PPM1E: variants seen among roughly 807,000 people sequenced by gnomAD.
PPM1E encodes protein phosphatase 1E.
PPM1E carries 20 observed loss-of-function variants against 65.9 expected under a neutral mutation model. That is an observed-to-expected ratio of 0.30 (90% CI 0.21 to 0.44). The LOEUF is 0.44. Among genes scored for constraint, PPM1E ranks in the 20% least tolerant of loss-of-function variants. The pLI is 1.00. For synonymous variants in PPM1E, 352 were observed against 374.9 expected, an observed-to-expected ratio of 0.94 and a Z score of 0.70; for missense variants, 713 against 953.1, an observed-to-expected ratio of 0.75 and a Z score of 3.32.
chr17:58,861,286 A>C (rs1224872034), intron 1 of PPM1E, among the ~76,000 whole-genome samples: 1 of 152,232 alleles, frequency 6.6e-6, no homozygotes, highest in East Asian at 1.9e-4. Context: ...AGCAACAACA[A>C]AACATAAGAA....
Position 58,755,879 on chromosome 17 carries a change from G to A in PPM1E, c.-119G>A. 1 of 1,506,724 alleles carries A rather than the reference G, an allele frequency of 6.6e-7. No homozygotes were observed. Among genetic ancestry groups the A allele is most frequent in the Non-Finnish European group, 8.9e-7 (1 of 1,128,822 alleles). The allele number at this position is 1,506,724 out of a possible 1,614,324, so 93.3% of individuals were successfully genotyped here. ...CTCTCCAGGCAACCTAGTGCTGATCGCTCGTGCCGGTGCGGCCGTTAACCG... is the reference window on the plus strand; with the variant it reads ...CTCTCCAGGCAACCTAGTGCTGATCACTCGTGCCGGTGCGGCCGTTAACCG... On this transcript the variant is annotated 5_prime_UTR_variant, in exon 1 of 7. Coordinates refer to ENST00000308249, the MANE Select transcript of PPM1E (RefSeq NM_014906.5).
intron 1 of PPM1E, among the ~76,000 whole-genome samples, chr17:58,843,229 G>A (rs1048396189): frequency 6.6e-6 from 1 of 151,580 alleles, no homozygotes; most frequent in Non-Finnish European, 1.5e-5. Context: ...GAACCTGGGA[G>A]GCAGGAGAAT....
intron 1 of PPM1E, among the ~76,000 whole-genome samples, chr17:58,875,934 A>G (rs905560252): frequency 4.6e-5 from 7 of 152,178 alleles, no homozygotes. Flanking sequence ...CAAAGACTTC[A>G]TCTGAAAAGG....
In PPM1E at chr17:58,926,056, A is replaced by G. The variant is rs1456766921; in HGVS notation, c.465-29593A>G. Among the ~76,000 whole-genome samples, 3 of 152,046 alleles carry G rather than the reference A, an allele frequency of 2.0e-5. No homozygotes were observed. In the East Asian group the frequency reaches 5.8e-4, roughly 29 times the overall value. ...TTTGTGTTAAGCTAAATTGCAAAGT[A>G]TTGGCTGGGTGCGATGGCTCATGCC... is the stretch of plus-strand genomic sequence containing the variant. On this transcript the variant is annotated intron_variant, in intron 1 of 6. Transcript: ENST00000308249.
At chr17:58,890,572 A>C (rs572712791) in intron 1 of PPM1E, among the ~76,000 whole-genome samples, 1 of 152,176 alleles carries the variant, frequency 6.6e-6, no homozygotes, top group South Asian at 2.1e-4. Flanking sequence ...TTTAGTGACT[A>C]TGTGGATTTG....
At chr17:58,762,148 T>C (rs890629377) in intron 1 of PPM1E, among the ~76,000 whole-genome samples, 1 of 152,228 alleles carries the variant, frequency 6.6e-6, no homozygotes, top group African/African-American at 2.4e-5. Flanking sequence ...TTATGGATTA[T>C]ATTTCCTGGT....
rs557579477 is a variant in PPM1E, at chr17:58,799,582, A to G, written c.464+43121A>G. On this transcript the variant is annotated intron_variant, in intron 1 of 6. Transcript: ENST00000308249. Reference sequence around the variant, plus strand: ...CTCAGCCTCCCAAGTAGCTGGGACTACAGGTGTGCACCGCCACGCCTGGCT... The same window carrying G: ...CTCAGCCTCCCAAGTAGCTGGGACTGCAGGTGTGCACCGCCACGCCTGGCT... Among the ~76,000 whole-genome samples, 4 of 152,282 alleles carry G rather than the reference A, an allele frequency of 2.6e-5. No individual in the cohort carries two copies. In the South Asian group the frequency reaches 8.3e-4, roughly 32 times the overall value.
chr17:58,870,211 T>C (rs934174332), intron 1 of PPM1E, among the ~76,000 whole-genome samples: 7 of 152,164 alleles, frequency 4.6e-5, no homozygotes, highest in African/African-American at 1.7e-4. Context: ...GAAGAAGAAA[T>C]GTCAGGGTTT....
intron 1 of PPM1E, among the ~76,000 whole-genome samples, chr17:58,788,355 C>T (rs2050123551): frequency 6.6e-6 from 1 of 152,094 alleles, no homozygotes; most frequent in South Asian, 2.1e-4. Flanking sequence ...TGATTTTCAT[C>T]CAAAGAGTTA....
intron 1 of PPM1E, among the ~76,000 whole-genome samples, chr17:58,858,076 G>T (rs754953863): frequency 2.0e-5 from 3 of 152,096 alleles, no homozygotes; most frequent in Admixed American, 6.6e-5. Flanking sequence ...CAACAGATGT[G>T]ATTGAGAATA....
At chr17:58,775,986 A>G (rs1234922140) in intron 1 of PPM1E, among the ~76,000 whole-genome samples, 2 of 148,244 alleles carry the variant, frequency 1.3e-5, no homozygotes, top group Non-Finnish European at 3.0e-5. Flanking sequence ...TTAACCTCCC[A>G]TTTTTGGTGT....
chr17:58,802,225 G>A (rs892431154), intron 1 of PPM1E, among the ~76,000 whole-genome samples: 1 of 152,094 alleles, frequency 6.6e-6, no homozygotes, highest in Non-Finnish European at 1.5e-5. Flanking sequence ...TTTAATAAGG[G>A]TCCAACTTCA....
intron 1 of PPM1E, among the ~76,000 whole-genome samples, chr17:58,813,335 A>G (rs1280576830): frequency 6.6e-6 from 1 of 152,166 alleles, no homozygotes; most frequent in Non-Finnish European, 1.5e-5. Context: ...TTCTCTTACT[A>G]TTGATAGAAA....
At position 58,755,918 on chromosome 17, in the gene PPM1E, C is replaced by T. The variant is rs1016942073; in HGVS notation, c.-80C>T. ...GGCCGTTAACCGCCCTTGCCGGAGC[C>T]CTAGGCTCAAAAGCAGCCCCTTACC... On this transcript the variant is annotated 5_prime_UTR_variant, in exon 1 of 7. Transcript: ENST00000308249. The T allele has an allele frequency of 6.3e-7, 1 of 1,583,790 alleles. No individual in the cohort carries two copies. The highest frequency in any genetic ancestry group is 8.6e-7 in the Non-Finnish European group (1 of 1,165,136).
chr17:58,909,924 C>CTTTTT (rs35833275), intron 1 of PPM1E, among the ~76,000 whole-genome samples: 137 of 90,032 alleles, frequency 1.5e-3, no homozygotes, highest in African/African-American at 2.5e-3. Context: ...TTTTCTTTTT[C>CTTTTT]TTTTTTTTTT....
intron 1 of PPM1E, among the ~76,000 whole-genome samples, chr17:58,849,226 T>G (rs2050801271): frequency 6.6e-6 from 1 of 152,234 alleles, no homozygotes; most frequent in African/African-American, 2.4e-5. Flanking sequence ...AACCAGCTCC[T>G]GGATTCATCG....
At chr17:58,766,607 AC>A (rs1331846517) in intron 1 of PPM1E, among the ~76,000 whole-genome samples, 1 of 78,142 alleles carries the variant, frequency 1.3e-5, no homozygotes, top group East Asian at 3.5e-4. Context: ...GTGTGTGTAT[AC>A]ACACACACAC....
intron 1 of PPM1E, among the ~76,000 whole-genome samples, chr17:58,857,750 A>T (rs2143289468): frequency 6.6e-6 from 1 of 152,260 alleles, no homozygotes; most frequent in Non-Finnish European, 1.5e-5. Flanking sequence ...TTTTAAAAAG[A>T]TAAATAAATT....
chr17:58,777,739 A>T (rs2050007632), intron 1 of PPM1E, among the ~76,000 whole-genome samples: 2 of 152,182 alleles, frequency 1.3e-5, no homozygotes, highest in South Asian at 2.1e-4. Context: ...AAAGAATTTA[A>T]TTCAATTTAG....
Sources: allele counts gnomAD v4.1 joint callset (sites outside exome capture counted in the v4.1 genomes callset), GRCh38; gene constraint gnomAD v4.1.1; transcripts MANE v1.5; gene names NCBI Gene and HGNC (gene_info 2026-07-23, HGNC 2026-07-21).